PWWP3B: variants seen among roughly 807,000 people sequenced by gnomAD.
The protein encoded by PWWP3B is PWWP domain-containing DNA repair factor 3B.
Under a neutral mutation model 15.7 loss-of-function variants are expected in PWWP3B, and 5 were observed. That is an observed-to-expected ratio of 0.32 (90% CI 0.17 to 0.67). The LOEUF (loss-of-function observed/expected upper bound fraction) is 0.67, where lower values mean the gene tolerates loss of function less well. PWWP3B is among the 30% of genes least tolerant of loss of function. PWWP3B has a pLI of 0.74. For synonymous variants in PWWP3B, 203 were observed against 179.8 expected (o/e 1.13, Z -1.03); for missense variants, 519 against 493.1 (o/e 1.05, Z -0.50).
At chrX:106,194,144 T>C (rs1342526749) in intron 2 of PWWP3B, among the ~76,000 whole-genome samples, 1 of 111,966 alleles carries the variant, frequency 8.9e-6, no homozygotes, top group Non-Finnish European at 1.9e-5. Context: ...GTTTTCCAAC[T>C]TGGTTCCATT....
intron 2 of PWWP3B, among the ~76,000 whole-genome samples, chrX:106,200,249 G>C (rs1412833439): frequency 3.6e-5 from 4 of 111,690 alleles, no homozygotes; most frequent in Non-Finnish European, 7.5e-5. Context: ...GTCTCTTAAT[G>C]ACTGCTTAGA....
intron 2 of PWWP3B, among the ~76,000 whole-genome samples, chrX:106,180,916 T>G (rs1040868239): frequency 8.9e-6 from 1 of 112,347 alleles, no homozygotes; most frequent in Non-Finnish European, 1.9e-5. Flanking sequence ...AGTCCACTAA[T>G]AAAGTCAGAA....
intron 2 of PWWP3B, among the ~76,000 whole-genome samples, chrX:106,194,763 A>T (rs1467703748): frequency 2.7e-5 from 3 of 112,052 alleles, no homozygotes; most frequent in Non-Finnish European, 5.6e-5. Context: ...TCTAACAGAC[A>T]GGACCCTCAG....
intron 1 of PWWP3B, among the ~76,000 whole-genome samples, 168 bp downstream of exon 1, chrX:106,168,593 A>G (rs1487638766): frequency 8.9e-6 from 1 of 112,498 alleles, no homozygotes; most frequent in African/African-American, 3.2e-5. Context: ...GTGGAAAAAT[A>G]TTCTTAAAGA....
intron 2 of PWWP3B, among the ~76,000 whole-genome samples, chrX:106,201,259 A>C (rs1458508382): frequency 9.0e-6 from 1 of 111,145 alleles, no homozygotes; most frequent in African/African-American, 3.3e-5. Context: ...CATGTCCTGG[A>C]AACAGAAAGA....
At chrX:106,194,709 A>G (rs1923260935) in intron 2 of PWWP3B, among the ~76,000 whole-genome samples, 1 of 110,898 alleles carries the variant, frequency 9.0e-6, no homozygotes, top group Admixed American at 9.6e-5. Context: ...TGACGTACAG[A>G]TGGATTTTTG....
Position 106,206,147 on chromosome X carries a change from C to A in PWWP3B, c.715C>A (p.Pro239Thr). The change falls in exon 4 of 4, where the codon CCT becomes ACT. Residue 239 changes from proline to threonine, a missense_variant. Coordinates refer to ENST00000357175, the MANE Select transcript of PWWP3B (RefSeq NM_001171020.2). ...TGTTAAAGATGAAAAGTTTGCTCCA[C>A]CTTTGTCACCTTTGTCATCAGATAT... Reference protein sequence around the residue: ...ACVKDEKFAPPLSPLSSDMLI... With the variant: ...ACVKDEKFAPTLSPLSSDMLI... The A allele has an allele frequency of 8.3e-7, 1 of 1,208,296 alleles. No homozygotes were observed.
intron 2 of PWWP3B, among the ~76,000 whole-genome samples, chrX:106,194,385 G>A (rs764653100): frequency 3.3e-4 from 37 of 111,792 alleles, no homozygotes; most frequent in Admixed American, 9.5e-4. Flanking sequence ...TTGGTTTTCC[G>A]CTCCATCAGG....
intron 2 of PWWP3B, among the ~76,000 whole-genome samples, chrX:106,180,153 A>C (rs1922112940): frequency 9.0e-6 from 1 of 111,480 alleles, no homozygotes; most frequent in African/African-American, 3.3e-5. Flanking sequence ...GAGTCTAAAA[A>C]GAATTCCCCT....
intron 3 of PWWP3B, 44 bp from the exon 4 acceptor site, chrX:106,205,175 C>A (rs1923921194): frequency 7.2e-6 from 2 of 277,571 alleles, no homozygotes; most frequent in Non-Finnish European, 1.3e-5. Flanking sequence ...GCGAAATAAT[C>A]GTATTTGCTG....
In PWWP3B at chrX:106,207,743, T is replaced by C. The variant is rs1452076408; in HGVS notation, c.*220T>C. 1 of 328,737 alleles carries C rather than the reference T, an allele frequency of 3.0e-6. No homozygotes were observed. Among genetic ancestry groups the C allele is most frequent in the Non-Finnish European group, 5.4e-6 (1 of 185,732 alleles). 27.1% of individuals were successfully genotyped at this position (328,737 alleles called of 1,213,427 possible). On this transcript the variant is annotated 3_prime_UTR_variant, in exon 4 of 4. Transcript: ENST00000357175. The stretch of plus-strand genomic sequence containing the variant: ...TTTTGTCAACATATTTCAGCAGTTC[T>C]ACTTTCCCGTACATTTTTTAGAAAG...
chrX:106,203,654 A>G (rs955759906), intron 2 of PWWP3B, among the ~76,000 whole-genome samples: 1 of 112,388 alleles, frequency 8.9e-6, no homozygotes, highest in African/African-American at 3.2e-5. Flanking sequence ...GAAAAATTCC[A>G]CATGATAACT....
Position 106,170,633 on chromosome X carries a change from T to C in PWWP3B, c.-528-379T>C, listed in dbSNP as rs780804485. ...CTATGAGACAGCATGTAGAGTGTGA[T>C]TGAAATTCCATTCAAAATATTATAA... On this transcript the variant is annotated intron_variant, in intron 1 of 3. Coordinates refer to ENST00000357175, the MANE Select transcript of PWWP3B (RefSeq NM_001171020.2). Among the ~76,000 whole-genome samples the C allele has an allele frequency of 7.2e-5, 8 of 111,837 alleles. No individual in the cohort carries two copies. In the South Asian group the frequency reaches 3.0e-3, roughly 42 times the overall value.
chrX:106,194,821 G>T (rs900825626), intron 2 of PWWP3B, among the ~76,000 whole-genome samples: 79 of 112,021 alleles, frequency 7.1e-4, no homozygotes, highest in Non-Finnish European at 1.3e-3. Flanking sequence ...GACCCTGTTT[G>T]CCTGGGTATC....
At chrX:106,204,723 G>C (rs1231952384) in intron 3 of PWWP3B, among the ~76,000 whole-genome samples, 1 of 111,955 alleles carries the variant, frequency 8.9e-6, no homozygotes, top group Non-Finnish European at 1.9e-5. Context: ...TTTTAAACAT[G>C]TAGCATTAGA....
rs1195093406 is a variant in PWWP3B, at chrX:106,191,255, C to A, written c.-400-12730C>A. 4.5e-5 allele frequency among the ~76,000 whole-genome samples: 5 copies of A among 110,594 alleles called. No individual in the cohort carries two copies. In the East Asian group the frequency reaches 1.4e-3, roughly 31 times the overall value. On this transcript the variant is annotated intron_variant, in intron 2 of 3. Transcript: ENST00000357175. ...GTTTGTAGTTCTCCTTGAAGAGGTC[C>A]TTCACATCCCTTGTAAGTTGGATTC...
At chrX:106,174,746 A>T (rs1921795042) in intron 2 of PWWP3B, among the ~76,000 whole-genome samples, 1 of 112,219 alleles carries the variant, frequency 8.9e-6, no homozygotes, top group Non-Finnish European at 1.9e-5. Flanking sequence ...AGATACGGTC[A>T]GTGCAAAAGC....
At chrX:106,195,436 CT>C (rs1275302706) in intron 2 of PWWP3B, among the ~76,000 whole-genome samples, 4 of 111,162 alleles carry the variant, frequency 3.6e-5, no homozygotes, top group Admixed American at 1.9e-4. Flanking sequence ...AGATTTTCTA[CT>C]TTTTTTTACA....
chrX:106,200,099 T>C (rs1923613141), intron 2 of PWWP3B, among the ~76,000 whole-genome samples: 1 of 111,312 alleles, frequency 9.0e-6, no homozygotes, highest in Non-Finnish European at 1.9e-5. Flanking sequence ...GCAGTGATGT[T>C]TGCCAGACCT....
Sources: allele counts gnomAD v4.1 joint callset (sites outside exome capture counted in the v4.1 genomes callset), GRCh38; gene constraint gnomAD v4.1.1; transcripts MANE v1.5; gene names NCBI Gene and HGNC (gene_info 2026-07-23, HGNC 2026-07-21).